Variants in UMAD1 observed in about 807,000 individuals in gnomAD.
The protein encoded by UMAD1 is UBAP1-MVB12-associated (UMA)-domain containing protein 1.
Under a neutral mutation model 6.1 loss-of-function variants are expected in UMAD1, and 8 were observed. The observed-to-expected ratio is 1.30, with a 90% CI of 0.76 to 2.35. The LOEUF (loss-of-function observed/expected upper bound fraction) is 2.35, where lower values mean the gene tolerates loss of function less well. UMAD1 is among the 30% of genes most tolerant of loss of function. The probability of loss-of-function intolerance (pLI) is 0.00; values close to 1 mark genes in which losing one functional copy is unlikely to be tolerated. For missense variants in UMAD1, 130 were observed against 78.4 expected, an observed-to-expected ratio of 1.66 and a Z score of -2.49; for synonymous variants, 56 against 31.4, an observed-to-expected ratio of 1.78 and a Z score of -2.61.
chr7:7,753,994 A>C (rs528223326), intron 2 of UMAD1, among the ~76,000 whole-genome samples: 2 of 151,602 alleles, frequency 1.3e-5, no homozygotes, highest in East Asian at 3.9e-4. Context: ...GACCAGCCTG[A>C]CCAACATGGT....
chr7:7,845,852 A>G (rs1020521215), intron 3 of UMAD1, among the ~76,000 whole-genome samples: 1 of 152,146 alleles, frequency 6.6e-6, no homozygotes, highest in Admixed American at 6.6e-5. Context: ...GTATCTTCCA[A>G]TAACAGCTAT....
intron 2 of UMAD1, among the ~76,000 whole-genome samples, chr7:7,715,668 G>GA (rs1186791834): frequency 1.3e-5 from 2 of 151,854 alleles, no homozygotes; most frequent in Admixed American, 6.6e-5. Flanking sequence ...CAAATTTCCA[G>GA]AAAAAAATGA....
chr7:7,740,583 G>A (rs1417823823), intron 2 of UMAD1: 1 of 152,134 alleles, frequency 6.6e-6, no homozygotes, highest in African/African-American at 2.4e-5. Context: ...AATTCAAGTA[G>A]GACACACCCT....
intron 3 of UMAD1, among the ~76,000 whole-genome samples, chr7:7,804,938 A>T (rs1782880606): frequency 6.6e-6 from 1 of 152,072 alleles, no homozygotes; most frequent in Non-Finnish European, 1.5e-5. Flanking sequence ...CCGAGATCAC[A>T]CCACTGCACT....
At chr7:7,865,857 G>A (rs1209966787) in intron 3 of UMAD1, among the ~76,000 whole-genome samples, 1 of 152,214 alleles carries the variant, frequency 6.6e-6, no homozygotes, top group Non-Finnish European at 1.5e-5. Context: ...GGCTAGCTCA[G>A]TGAGAAGATG....
At chr7:7,642,898 A>G (rs570644810) in intron 1 of UMAD1, among the ~76,000 whole-genome samples, 2 of 152,332 alleles carry the variant, frequency 1.3e-5, no homozygotes, top group African/African-American at 2.4e-5. Flanking sequence ...GCTAAATGGT[A>G]TGTTGTTTAA....
Position 7,642,287 on chromosome 7 carries a change from A to G in UMAD1, c.-64+1466A>G, listed in dbSNP as rs547758793. Reference sequence around the variant, plus strand: ...GTAGCTGGGACTATAAGCACATACCACCACACCCAGCTAATAAAGATTTTT... The same window carrying G: ...GTAGCTGGGACTATAAGCACATACCGCCACACCCAGCTAATAAAGATTTTT... On this transcript the variant is annotated intron_variant, in intron 1 of 3. Transcript: ENST00000682710. 4.0e-5 allele frequency among the ~76,000 whole-genome samples: 6 copies of G among 151,370 alleles called. No homozygotes were observed. The South Asian group carries it at 1.3e-3, about 32-fold the overall frequency.
chr7:7,724,592 G>A (rs1168014149), intron 2 of UMAD1, among the ~76,000 whole-genome samples: 1 of 152,216 alleles, frequency 6.6e-6, no homozygotes, highest in Non-Finnish European at 1.5e-5. Context: ...CAGGGGTGGT[G>A]ATTCCCACCA....
chr7:7,714,321 T>A (rs990894825), intron 2 of UMAD1, among the ~76,000 whole-genome samples: 15 of 152,354 alleles, frequency 9.8e-5, no homozygotes, highest in African/African-American at 3.4e-4. Context: ...CAGACTTTCT[T>A]TGGCTGCTCC....
At chr7:7,646,855 GT>G (rs1785107252) in intron 1 of UMAD1, among the ~76,000 whole-genome samples, 1 of 152,096 alleles carries the variant, frequency 6.6e-6, no homozygotes, top group Non-Finnish European at 1.5e-5. Context: ...GGAGCCTGGG[GT>G]TTGGGGTTTA....
At chr7:7,702,412 AG>A (rs552560597) in intron 2 of UMAD1, among the ~76,000 whole-genome samples, 1 of 152,312 alleles carries the variant, frequency 6.6e-6, no homozygotes, top group African/African-American at 2.4e-5. Flanking sequence ...TATTTTATGA[AG>A]GAGTCTATGG....
chr7:7,799,691 A>G (rs550633889), intron 2 of UMAD1, among the ~76,000 whole-genome samples: 14 of 152,280 alleles, frequency 9.2e-5, no homozygotes, highest in African/African-American at 3.1e-4. Flanking sequence ...CACCTTGTCC[A>G]CTCAGGTTCC....
At chr7:7,827,768 T>C (rs115185757) in intron 3 of UMAD1, among the ~76,000 whole-genome samples, 2,876 of 152,260 alleles carry the variant, frequency 0.019, 89 homozygotes, top group African/African-American at 0.063. Flanking sequence ...CTTAATGGCA[T>C]GTGGTTTAAG....
chr7:7,818,790 A>C (rs772439262), intron 3 of UMAD1, among the ~76,000 whole-genome samples: 3 of 152,196 alleles, frequency 2.0e-5, no homozygotes, highest in Non-Finnish European at 2.9e-5. Context: ...GGCTGGATAA[A>C]GAAAACATGC....
At chr7:7,843,665 C>T (rs1160623259) in intron 3 of UMAD1, among the ~76,000 whole-genome samples, 1 of 152,106 alleles carries the variant, frequency 6.6e-6, no homozygotes, top group East Asian at 1.9e-4. Context: ...TGGAAATAAA[C>T]TTAAGACCCA....
chr7:7,643,811 A>T (rs1785033856), intron 1 of UMAD1, among the ~76,000 whole-genome samples: 1 of 151,512 alleles, frequency 6.6e-6, no homozygotes, highest in Admixed American at 6.6e-5. Flanking sequence ...TTGGGTCTCT[A>T]ACAAGCACAC....
chr7:7,787,331 CA>C (rs1782480577), intron 2 of UMAD1, among the ~76,000 whole-genome samples: 1 of 152,122 alleles, frequency 6.6e-6, no homozygotes, highest in African/African-American at 2.4e-5. Context: ...TCCTTCTTTA[CA>C]AACTGAAATG....
chr7:7,708,721 T>G (rs1780672378), intron 2 of UMAD1, among the ~76,000 whole-genome samples: 1 of 152,210 alleles, frequency 6.6e-6, no homozygotes, highest in African/African-American at 2.4e-5. Flanking sequence ...TAAGCTGATT[T>G]GACTGAAACG....
intron 3 of UMAD1, among the ~76,000 whole-genome samples, chr7:7,848,096 A>T (rs957644641): frequency 6.6e-6 from 1 of 152,208 alleles, no homozygotes; most frequent in African/African-American, 2.4e-5. Flanking sequence ...ATTACCTGGC[A>T]TAGTATTTTG....
Sources: gnomAD v4.1 joint callset for allele counts (sites outside exome capture counted in the v4.1 genomes callset) on GRCh38, gnomAD v4.1.1 for gene constraint, MANE v1.5 for transcripts, NCBI Gene and HGNC (gene_info 2026-07-23, HGNC 2026-07-21) for gene names.